CSMD3: variants seen among roughly 807,000 people sequenced by gnomAD.
CSMD3 encodes CUB and Sushi multiple domains 3, also known as CUB and sushi domain-containing protein 3.
Under a neutral mutation model 435.2 loss-of-function variants are expected in CSMD3, and 177 were observed. That is an observed-to-expected ratio of 0.41 (90% CI 0.36 to 0.46). The LOEUF is 0.46. Among genes scored for constraint, CSMD3 ranks in the 20% least tolerant of loss-of-function variants. The probability of loss-of-function intolerance (pLI) is 0.34; values close to 1 mark genes in which losing one functional copy is unlikely to be tolerated. For missense variants in CSMD3, 4,265 were observed against 4,504.6 expected (o/e 0.95, Z 1.52); for synonymous variants, 1,656 against 1,520.5 (o/e 1.09, Z -2.07).
intron 66 of CSMD3, among the ~76,000 whole-genome samples, 154 bp downstream of exon 66, chr8:112,241,566 C>T (rs1263359748): frequency 6.6e-6 from 1 of 152,028 alleles, no homozygotes; most frequent in African/African-American, 2.4e-5. Flanking sequence ...TATTACATTG[C>T]TTTAAATTCA....
chr8:112,827,164 AATATATATATATATATATAT>A lies in CSMD3; in HGVS notation c.1859+2502_1859+2521del, dbSNP rs3047126. ...TTCTGTATTTTACTAGGTTACCATAAATATATATATATATATATATATATATATATATATATATATATAAT... is the reference window on the plus strand; with the variant it reads ...TTCTGTATTTTACTAGGTTACCATAAATATATATATATATATATATATAAT... On this transcript the variant is annotated intron_variant, in intron 12 of 70. Transcript: ENST00000297405. Among the ~76,000 whole-genome samples the A allele has an allele frequency of 4.0e-4, 33 of 82,816 alleles. 1 individual carries two copies. Among genetic ancestry groups the A allele is most frequent in the East Asian group, 1.2e-3 (2 of 1,654 alleles). 54.3% of individuals were successfully genotyped at this position (82,816 alleles called of 152,430 possible).
At chr8:112,452,784 C>G (rs550711452) in intron 32 of CSMD3, among the ~76,000 whole-genome samples, 153 of 152,250 alleles carry the variant, frequency 1.0e-3, no homozygotes, top group African/African-American at 3.5e-3. Flanking sequence ...CATTCTAACA[C>G]AGCTAACCTA....
chr8:112,495,222 G>A (rs948211975), intron 30 of CSMD3, among the ~76,000 whole-genome samples: 1 of 152,232 alleles, frequency 6.6e-6, no homozygotes, highest in Non-Finnish European at 1.5e-5. Flanking sequence ...CAGAAACCTG[G>A]CATTTATAGC....
chr8:112,999,298 T>A (rs1166841129), intron 6 of CSMD3, among the ~76,000 whole-genome samples: 1 of 151,902 alleles, frequency 6.6e-6, no homozygotes, highest in African/African-American at 2.4e-5. Flanking sequence ...TTTAATCAAA[T>A]TTATGAAGAG....
intron 2 of CSMD3, among the ~76,000 whole-genome samples, chr8:113,291,806 C>CA (rs1252705845): frequency 7.3e-5 from 11 of 151,594 alleles, no homozygotes; most frequent in Non-Finnish European, 1.2e-4. Flanking sequence ...GTATTCTACA[C>CA]AAAAAAACTA....
chr8:112,347,931 G>A (rs1202100169), intron 40 of CSMD3, among the ~76,000 whole-genome samples: 1 of 152,184 alleles, frequency 6.6e-6, no homozygotes, highest in African/African-American at 2.4e-5. Context: ...TCTTTGAGCT[G>A]CTGATTGTCC....
At chr8:113,210,514 G>A (rs917315903) in intron 3 of CSMD3, among the ~76,000 whole-genome samples, 5 of 151,540 alleles carry the variant, frequency 3.3e-5, no homozygotes, top group African/African-American at 7.3e-5. Context: ...TTATATATTC[G>A]AATCAAATTA....
At chr8:112,959,305 T>C (rs2084144694) in intron 7 of CSMD3, among the ~76,000 whole-genome samples, 1 of 151,990 alleles carries the variant, frequency 6.6e-6, no homozygotes, top group South Asian at 2.1e-4. Context: ...CATTTTCCAC[T>C]TGGATTATAT....
intron 2 of CSMD3, chr8:113,311,096 T>A (rs2093864824): frequency 6.6e-6 from 1 of 152,024 alleles, no homozygotes; most frequent in African/African-American, 2.4e-5. Context: ...TAATAGGTGA[T>A]TTTTTACTTG....
intron 3 of CSMD3, among the ~76,000 whole-genome samples, chr8:113,270,994 A>AAC (rs2093520514): frequency 1.3e-5 from 2 of 151,642 alleles, no homozygotes; most frequent in African/African-American, 4.9e-5. Context: ...ATAAAAAAAA[A>AAC]AAACTGGTGG....
At chr8:112,352,781 A>C (rs967372801) in intron 38 of CSMD3, among the ~76,000 whole-genome samples, 4 of 152,186 alleles carry the variant, frequency 2.6e-5, no homozygotes, top group Admixed American at 2.6e-4. Context: ...GTGTGAATAT[A>C]CCTAAATTGT....
intron 3 of CSMD3, among the ~76,000 whole-genome samples, chr8:113,252,613 C>T (rs2093344626): frequency 6.6e-6 from 1 of 152,034 alleles, no homozygotes; most frequent in African/African-American, 2.4e-5. Context: ...TTTGCCTTCT[C>T]TCTATGGCCT....
chr8:112,954,496 CG>C (rs1278926834), intron 8 of CSMD3, among the ~76,000 whole-genome samples, 187 bp downstream of exon 8: 1 of 151,384 alleles, frequency 6.6e-6, no homozygotes, highest in Non-Finnish European at 1.5e-5. Flanking sequence ...GAGTTTGCCA[CG>C]TTAATCCATT....
At chr8:113,061,914 T>A (rs951086594) in intron 5 of CSMD3, among the ~76,000 whole-genome samples, 1 of 151,874 alleles carries the variant, frequency 6.6e-6, no homozygotes, top group South Asian at 2.1e-4. Context: ...ATTGTAATTA[T>A]TTCATTATGT....
chr8:113,040,444 G>A (rs1168156092), intron 5 of CSMD3, among the ~76,000 whole-genome samples: 1 of 152,208 alleles, frequency 6.6e-6, no homozygotes, highest in Non-Finnish European at 1.5e-5. Flanking sequence ...TTAGGGCAGG[G>A]ACAGGTGGAA....
chr8:113,324,057 C>T (rs961675948), intron 1 of CSMD3, among the ~76,000 whole-genome samples: 1 of 152,134 alleles, frequency 6.6e-6, no homozygotes, highest in Non-Finnish European at 1.5e-5. Context: ...GAAGAAATTT[C>T]TAAGCAGCAA....
chr8:112,425,506 A>G (rs778506409), intron 32 of CSMD3, among the ~76,000 whole-genome samples: 20 of 152,164 alleles, frequency 1.3e-4, no homozygotes, highest in Non-Finnish European at 2.5e-4. Flanking sequence ...TTTACTTGTA[A>G]TAACTTGAGT....
chr8:113,301,472 T>TA (rs1300214891), intron 2 of CSMD3, among the ~76,000 whole-genome samples: 1 of 152,008 alleles, frequency 6.6e-6, no homozygotes, highest in African/African-American at 2.4e-5. Context: ...ATTTGACTGT[T>TA]ATAGTTAGAA....
chr8:112,805,702 A>T (rs889657746), intron 12 of CSMD3, among the ~76,000 whole-genome samples: 1 of 152,180 alleles, frequency 6.6e-6, no homozygotes, highest in South Asian at 2.1e-4. Flanking sequence ...CGATTTATCT[A>T]TGATCTGTTT....
Sources: gnomAD v4.1 joint callset for allele counts (sites outside exome capture counted in the v4.1 genomes callset) on GRCh38, gnomAD v4.1.1 for gene constraint, MANE v1.5 for transcripts, NCBI Gene and HGNC (gene_info 2026-07-23, HGNC 2026-07-21) for gene names.